The following SV2C variants were observed in gnomAD, a reference collection of about 807,000 sequenced individuals.
SV2C encodes the protein solute carrier family 22 member B3.
A neutral mutation model predicts 79.7 loss-of-function variants in SV2C; 49 were observed. The ratio of observed to expected loss-of-function variants is 0.61; its 90% CI spans 0.49 to 0.78. The LOEUF (loss-of-function observed/expected upper bound fraction) is 0.78. Ranked by LOEUF, SV2C falls within the 30% of genes least tolerant of loss-of-function variation. SV2C has a pLI of 0.00. For missense variants in SV2C, 833 were observed against 912.9 expected, an observed-to-expected ratio of 0.91 and a Z score of 1.13; for synonymous variants, 334 against 333.2, an observed-to-expected ratio of 1.00 and a Z score of -0.03.
At chr5:76,223,142 T>A (rs1172929771) in intron 4 of SV2C, among the ~76,000 whole-genome samples, 3 of 152,096 alleles carry the variant, frequency 2.0e-5, no homozygotes, top group African/African-American at 7.2e-5. Context: ...CCTTCATCAT[T>A]TGCCATGAGA....
At chr5:75,864,099 C>G in the SV2C span, among the ~76,000 whole-genome samples, 1 of 151,836 alleles carries the variant, frequency 6.6e-6, no homozygotes. Context: ...ACATGAGAAA[C>G]AACATAAAGG....
intron 1 of SV2C, among the ~76,000 whole-genome samples, chr5:76,118,432 G>A (rs1187894184): frequency 2.6e-5 from 4 of 152,060 alleles, no homozygotes; most frequent in Admixed American, 2.0e-4. Context: ...TCCTTCTGGA[G>A]GTCACTGTTC....
chr5:76,334,061 AG>A (rs1749260591), downstream of SV2C: 1 of 152,112 alleles, frequency 6.6e-6, no homozygotes, highest in Non-Finnish European at 1.5e-5. Context: ...TCTCCAATTC[AG>A]GTTTATTTGA....
At chr5:75,960,013 A>G in the SV2C span, among the ~76,000 whole-genome samples, 1 of 152,122 alleles carries the variant, frequency 6.6e-6, no homozygotes, top group Non-Finnish European at 1.5e-5. Context: ...TTCAGCCTTA[A>G]GATATAAAAC....
chr5:75,874,692 T>TA, the SV2C span, among the ~76,000 whole-genome samples: 1 of 152,026 alleles, frequency 6.6e-6, no homozygotes, highest in Non-Finnish European at 1.5e-5. Flanking sequence ...CTCCAGCTGA[T>TA]AAAAAATTTC....
At chr5:76,129,037 A>T (rs1478075923) in intron 1 of SV2C, among the ~76,000 whole-genome samples, 1 of 152,202 alleles carries the variant, frequency 6.6e-6, no homozygotes. Flanking sequence ...TCTGCCCCTG[A>T]ACAGTCTGCC....
intron 1 of SV2C, among the ~76,000 whole-genome samples, chr5:76,113,188 A>G (rs2112143905): frequency 6.6e-6 from 1 of 152,324 alleles, no homozygotes; most frequent in Non-Finnish European, 1.5e-5. Flanking sequence ...CTACTTGTCC[A>G]CCTTTTGCCT....
chr5:75,852,084 T>C, the SV2C span, among the ~76,000 whole-genome samples: 2 of 152,154 alleles, frequency 1.3e-5, no homozygotes, highest in Non-Finnish European at 2.9e-5. Flanking sequence ...TACCACCGCA[T>C]GTTCTCACTT....
At chr5:76,320,169 T>C (rs1455722532) in intron 12 of SV2C, among the ~76,000 whole-genome samples, 1 of 151,640 alleles carries the variant, frequency 6.6e-6, no homozygotes, top group Middle Eastern at 3.2e-3. Context: ...TTTTTTTTTT[T>C]TTAAGTGAAA....
the SV2C span, among the ~76,000 whole-genome samples, chr5:75,921,873 G>GTTTA: frequency 4.0e-5 from 6 of 151,286 alleles, no homozygotes; most frequent in African/African-American, 1.5e-4. Flanking sequence ...TCATCAATTT[G>GTTTA]TTTATTCATT....
At chr5:75,958,643 ACTT>A in the SV2C span, among the ~76,000 whole-genome samples, 1 of 151,856 alleles carries the variant, frequency 6.6e-6, no homozygotes, top group Non-Finnish European at 1.5e-5. Context: ...TCTAGTCACT[ACTT>A]CTGGCTTTGG....
the SV2C span, among the ~76,000 whole-genome samples, chr5:75,874,402 T>C: frequency 6.6e-6 from 1 of 152,098 alleles, no homozygotes; most frequent in African/African-American, 2.4e-5. Flanking sequence ...CAAAGGAACA[T>C]ACCTCAAAAT....
chr5:75,890,953 C>A, the SV2C span, among the ~76,000 whole-genome samples: 1 of 151,986 alleles, frequency 6.6e-6, no homozygotes, highest in African/African-American at 2.4e-5. Context: ...GATATTACTG[C>A]AATCTCATTT....
the SV2C span, chr5:75,911,307 G>A: frequency 2.9e-6 from 4 of 1,396,812 alleles, no homozygotes; most frequent in South Asian, 3.6e-5. Context: ...GCCCTTCAGG[G>A]CAGCCTTCAT....
chr5:75,928,681 A>T, the SV2C span, among the ~76,000 whole-genome samples: 1 of 152,034 alleles, frequency 6.6e-6, no homozygotes, highest in African/African-American at 2.4e-5. Context: ...AACCCTCAAA[A>T]CTTCGTGATG....
intron 2 of SV2C, among the ~76,000 whole-genome samples, chr5:76,177,102 G>A (rs1330221063): frequency 2.2e-5 from 3 of 133,908 alleles, no homozygotes; most frequent in Admixed American, 1.6e-4. Flanking sequence ...GCGACAGAGC[G>A]AGACTCTGTC....
chr5:76,348,166 C>T (rs1749577847), intron 12 of SV2C, among the ~76,000 whole-genome samples: 1 of 152,198 alleles, frequency 6.6e-6, no homozygotes, highest in South Asian at 2.1e-4. Context: ...TAGTTAGAAT[C>T]ATACAGTATG....
At chr5:76,104,455 G>A (rs1747844375) in intron 1 of SV2C, among the ~76,000 whole-genome samples, 1 of 152,156 alleles carries the variant, frequency 6.6e-6, no homozygotes, top group Non-Finnish European at 1.5e-5. Context: ...CCTGATAATG[G>A]CACACAGCAG....
chr5:75,873,048 T>C, the SV2C span, among the ~76,000 whole-genome samples: 1 of 152,074 alleles, frequency 6.6e-6, no homozygotes, highest in Non-Finnish European at 1.5e-5. Context: ...AAGGAGAGCA[T>C]TGATAGATTA....
Sources: gnomAD v4.1 joint callset for allele counts (sites outside exome capture counted in the v4.1 genomes callset) on GRCh38, gnomAD v4.1.1 for gene constraint, MANE v1.5 for transcripts, NCBI Gene and HGNC (gene_info 2026-07-23, HGNC 2026-07-21) for gene names.